Variants in SPECC1 observed in about 807,000 individuals in gnomAD.
SPECC1 encodes the protein sperm antigen with calponin homology and coiled-coil domains 1, also known as cytospin-B.
Under a neutral mutation model 104.1 loss-of-function variants are expected in SPECC1, and 62 were observed. The ratio of observed to expected loss-of-function variants is 0.60; its 90% confidence interval spans 0.49 to 0.74. SPECC1 has a LOEUF of 0.74. SPECC1 is among the 30% of genes least tolerant of loss of function. SPECC1 has a pLI of 0.00. For synonymous variants in SPECC1, 513 were observed against 501.6 expected (o/e 1.02, Z -0.30); for missense variants, 1,306 against 1,310.5 (o/e 1.00, Z 0.05).
intron 3 of SPECC1, among the ~76,000 whole-genome samples, chr17:20,152,764 CG>C (rs756975332): frequency 9.9e-5 from 15 of 152,064 alleles, no homozygotes; most frequent in Non-Finnish European, 2.2e-4. Context: ...CTCTGCCTCC[CG>C]GGTTCAAGCG....
intron 1 of SPECC1, among the ~76,000 whole-genome samples, chr17:20,059,990 C>T (rs556343594): frequency 6.6e-6 from 1 of 152,338 alleles, no homozygotes; most frequent in Non-Finnish European, 1.5e-5. Flanking sequence ...TCCTCTTCCA[C>T]ATGGCATGCC....
At chr17:20,156,285 C>CG in intron 3 of SPECC1, 2 of 1,321,410 alleles carry the variant, frequency 1.5e-6, no homozygotes, top group Non-Finnish European at 1.9e-6. Context: ...CCCACCCCCC[C>CG]TCCAGGCGCC....
At chr17:20,120,088 G>A (rs2048955210) in intron 3 of SPECC1, among the ~76,000 whole-genome samples, 1 of 152,174 alleles carries the variant, frequency 6.6e-6, no homozygotes, top group African/African-American at 2.4e-5. Flanking sequence ...ATAAGCTTGG[G>A]TTTTAAAATC....
chr17:20,303,177 G>T (rs1490137709), intron 13 of SPECC1, among the ~76,000 whole-genome samples: 1 of 152,130 alleles, frequency 6.6e-6, no homozygotes, highest in Non-Finnish European at 1.5e-5. Context: ...TGGAATAATG[G>T]TGGCCTAAAA....
chr17:20,186,622 G>A (rs537380440), intron 3 of SPECC1, among the ~76,000 whole-genome samples: 1 of 152,312 alleles, frequency 6.6e-6, no homozygotes, highest in Non-Finnish European at 1.5e-5. Context: ...GAAGTGCAGT[G>A]GTACAATCAC....
At chr17:20,200,318 G>A (rs766019553) in intron 3 of SPECC1, among the ~76,000 whole-genome samples, 2 of 152,122 alleles carry the variant, frequency 1.3e-5, no homozygotes, top group African/African-American at 2.4e-5. Context: ...TGATGTACTC[G>A]TGATTGACCA....
chr17:20,207,383 A>G (rs1372295150), intron 4 of SPECC1, among the ~76,000 whole-genome samples: 2 of 152,220 alleles, frequency 1.3e-5, no homozygotes, highest in Non-Finnish European at 2.9e-5. Context: ...AGAGGTTACT[A>G]GTCAGGCTTG....
At chr17:20,279,323 C>CTTTTTTTTTTTTTTTTTT (rs548300449) in intron 12 of SPECC1, among the ~76,000 whole-genome samples, 5 of 113,726 alleles carry the variant, frequency 4.4e-5, no homozygotes, top group African/African-American at 6.5e-5. Flanking sequence ...TTTTTTTTTT[C>CTTTTTTTTTTTTTTTTTT]TTTTTTTTTT....
chr17:20,247,297 C>G lies in SPECC1; in HGVS notation c.2576C>G (p.Ala859Gly). ...GGGATACCAGTGAGGACTGCTCCAG[C>G]AGCTGCTGTCTCTCCAATGCAGGTA... Reference protein sequence around the residue: ...LSGIPVRTAPAAAVSPMQRHS... With the variant: ...LSGIPVRTAPGAAVSPMQRHS... Residue 859 changes from alanine to glycine, a missense_variant, in exon 9 of 15, where the codon GCA becomes GGA. Coordinates refer to ENST00000395527, the MANE Select transcript of SPECC1 (RefSeq NM_001243439.2). 6.2e-7 allele frequency: 1 copy of G among 1,613,464 alleles called. No homozygotes were observed. Among genetic ancestry groups the G allele is most frequent in the Non-Finnish European group, 8.5e-7 (1 of 1,179,610 alleles).
chr17:20,180,542 G>T (rs1272614564), intron 3 of SPECC1, among the ~76,000 whole-genome samples: 1 of 152,184 alleles, frequency 6.6e-6, no homozygotes, highest in Admixed American at 6.5e-5. Context: ...TAATTTGACG[G>T]GTCAGCTAAG....
chr17:20,212,957 C>CT (rs1377916192), intron 4 of SPECC1, among the ~76,000 whole-genome samples: 6 of 152,082 alleles, frequency 3.9e-5, no homozygotes, highest in Non-Finnish European at 8.8e-5. Flanking sequence ...TCTTATTTAT[C>CT]TTAATTTTAT....
At chr17:20,068,256 C>T (rs2046429403) in intron 1 of SPECC1, among the ~76,000 whole-genome samples, 2 of 152,178 alleles carry the variant, frequency 1.3e-5, no homozygotes, top group Admixed American at 1.3e-4. Context: ...CTACCATGCC[C>T]AGCCTGTGTG....
chr17:20,055,732 G>A (rs931530372), intron 1 of SPECC1, among the ~76,000 whole-genome samples: 4 of 152,196 alleles, frequency 2.6e-5, no homozygotes, highest in African/African-American at 4.8e-5. Context: ...TTCTGGCCCC[G>A]TCACTGATGC....
chr17:20,114,357 A>C (rs2048647109), intron 3 of SPECC1, among the ~76,000 whole-genome samples: 1 of 152,004 alleles, frequency 6.6e-6, no homozygotes, highest in Non-Finnish European at 1.5e-5. Flanking sequence ...ACGCCCAGCT[A>C]ATTTTTGTAT....
intron 4 of SPECC1, among the ~76,000 whole-genome samples, chr17:20,226,174 G>A (rs1481693016): frequency 1.3e-5 from 2 of 152,142 alleles, no homozygotes; most frequent in Non-Finnish European, 2.9e-5. Flanking sequence ...GTAGAAAAGG[G>A]ACAATGATGT....
chr17:20,310,657 T>C (rs1444799338), intron 14 of SPECC1, among the ~76,000 whole-genome samples: 1 of 152,190 alleles, frequency 6.6e-6, no homozygotes, highest in Admixed American at 6.5e-5. Context: ...CCAGGCCATG[T>C]AGTCCATGAG....
In SPECC1 at chr17:20,167,431, G is replaced by C. The variant is rs1207080573; in HGVS notation, c.284-36902G>C. ...CAGTGGCTCACGGCCTGTAATCCTAGCACTTTGGGAGGCCGAGATGGGCGG... is the reference window on the plus strand; with the variant it reads ...CAGTGGCTCACGGCCTGTAATCCTACCACTTTGGGAGGCCGAGATGGGCGG... On this transcript the variant is annotated intron_variant, in intron 3 of 14. Transcript: ENST00000395527. 3.9e-5 allele frequency among the ~76,000 whole-genome samples: 6 copies of C among 152,130 alleles called. No individual in the cohort carries two copies. In the East Asian group the frequency reaches 1.2e-3, roughly 29 times the overall value.
chr17:20,104,767 GA>G (rs1161754515), intron 2 of SPECC1, among the ~76,000 whole-genome samples: 245 of 107,602 alleles, frequency 2.3e-3, no homozygotes, highest in Middle Eastern at 0.01. Flanking sequence ...AAAAAAAAAA[GA>G]AAAAAAAATT....
intron 3 of SPECC1, among the ~76,000 whole-genome samples, chr17:20,168,289 T>G (rs369852215): frequency 1.3e-5 from 2 of 152,326 alleles, no homozygotes; most frequent in African/African-American, 2.4e-5. Context: ...AAAAAGTGGC[T>G]TATTCTAAGA....
Sources: gnomAD v4.1 joint callset for allele counts (sites outside exome capture counted in the v4.1 genomes callset) on GRCh38, gnomAD v4.1.1 for gene constraint, MANE v1.5 for transcripts, NCBI Gene and HGNC (gene_info 2026-07-23, HGNC 2026-07-21) for gene names.